Variants in KBTBD12 observed in about 807,000 individuals in gnomAD.
KBTBD12 encodes the protein kelch repeat and BTB domain-containing protein 12.
KBTBD12 carries 53 observed loss-of-function variants against 58.7 expected under a neutral mutation model. The ratio of observed to expected loss-of-function variants is 0.90; its 90% CI spans 0.72 to 1.14. The LOEUF is 1.14. KBTBD12 is among the 50% of genes most tolerant of loss of function. The pLI is 0.00. For missense variants in KBTBD12, 704 were observed against 751.3 expected, an observed-to-expected ratio of 0.94 and a Z score of 0.74; for synonymous variants, 236 against 259.8, an observed-to-expected ratio of 0.91 and a Z score of 0.88.
At chr3:127,934,932 C>A (rs550781658) in intron 4 of KBTBD12, among the ~76,000 whole-genome samples, 3 of 152,210 alleles carry the variant, frequency 2.0e-5, no homozygotes, top group African/African-American at 7.2e-5. Flanking sequence ...TCAGACAGAA[C>A]GGAGGTGATG....
chr3:127,958,692 A>C (rs1940368921), intron 4 of KBTBD12, among the ~76,000 whole-genome samples: 1 of 152,160 alleles, frequency 6.6e-6, no homozygotes, highest in Non-Finnish European at 1.5e-5. Context: ...ATGAAGCAAA[A>C]TCAAGCTGTA....
At chr3:127,941,687 A>G (rs752043417) in intron 4 of KBTBD12, among the ~76,000 whole-genome samples, 4 of 152,106 alleles carry the variant, frequency 2.6e-5, no homozygotes, top group Non-Finnish European at 4.4e-5. Flanking sequence ...CCCAGACGGA[A>G]TCTTTCGGGT....
intron 3 of KBTBD12, among the ~76,000 whole-genome samples, chr3:127,929,739 T>C (rs966509261): frequency 2.0e-5 from 3 of 152,128 alleles, no homozygotes; most frequent in Non-Finnish European, 4.4e-5. Context: ...ATTATTAAAA[T>C]TAGTTTCTCA....
chr3:127,956,649 G>A (rs1044209485), intron 4 of KBTBD12, among the ~76,000 whole-genome samples: 1 of 152,180 alleles, frequency 6.6e-6, no homozygotes, highest in Non-Finnish European at 1.5e-5. Flanking sequence ...ATGTTACTGC[G>A]CGTGGATGAG....
intron 5 of KBTBD12, among the ~76,000 whole-genome samples, chr3:127,982,449 G>A (rs1940889525): frequency 6.6e-6 from 1 of 151,964 alleles, no homozygotes; most frequent in African/African-American, 2.4e-5. Flanking sequence ...GGCAACTAGA[G>A]ACCACTCCTG....
chr3:127,981,098 TC>T (rs1940865139), intron 5 of KBTBD12, among the ~76,000 whole-genome samples: 1 of 152,218 alleles, frequency 6.6e-6, no homozygotes, highest in African/African-American at 2.4e-5. Flanking sequence ...TACATTAATA[TC>T]CATCTCTAAC....
intron 2 of KBTBD12, among the ~76,000 whole-genome samples, chr3:127,924,998 T>A (rs952941659): frequency 2.0e-5 from 3 of 152,244 alleles, no homozygotes; most frequent in African/African-American, 7.2e-5. Context: ...AGTTCTCTTT[T>A]ACCATGGTTT....
At chr3:127,981,238 C>T (rs1384206374) in intron 5 of KBTBD12, among the ~76,000 whole-genome samples, 1 of 152,224 alleles carries the variant, frequency 6.6e-6, no homozygotes, top group East Asian at 1.9e-4. Context: ...TGTGCTTCTT[C>T]AGAGCCTGGT....
At chr3:127,970,717 T>C (rs1020838568) in intron 5 of KBTBD12, among the ~76,000 whole-genome samples, 1 of 152,176 alleles carries the variant, frequency 6.6e-6, no homozygotes, top group African/African-American at 2.4e-5. Context: ...TCCATTTATA[T>C]GAAATGTCCA....
intron 4 of KBTBD12, among the ~76,000 whole-genome samples, chr3:127,945,550 T>C (rs1940061665): frequency 6.6e-6 from 1 of 151,986 alleles, no homozygotes; most frequent in Non-Finnish European, 1.5e-5. Context: ...TGGCTAGTGA[T>C]GATGAGCATC....
In KBTBD12 at chr3:127,984,176, C is replaced by G. The variant is rs1940924920; in HGVS notation, c.1770C>G (p.Val590=). ...AGTGGAATGTTGTAGCCATCAACGTCCTCATGCATGACAGCTATGATGTCT... is the reference window on the plus strand; with the variant it reads ...AGTGGAATGTTGTAGCCATCAACGTGCTCATGCATGACAGCTATGATGTCT... The part of the protein sequence containing the change: ...ENQWNVVAIN[V]LMHDSYDVCL... Residue 590 remains valine, a synonymous_variant, in exon 6 of 6, where the codon GTC becomes GTG. Transcript: ENST00000405109. The G allele has an allele frequency of 6.2e-7, 1 of 1,613,684 alleles. No homozygotes were observed. Among genetic ancestry groups the G allele is most frequent in the Admixed American group, 1.7e-5 (1 of 59,998 alleles).
At chr3:127,930,799 T>C (rs1269177224) in intron 4 of KBTBD12, among the ~76,000 whole-genome samples, 1 of 152,194 alleles carries the variant, frequency 6.6e-6, no homozygotes, top group African/African-American at 2.4e-5. Flanking sequence ...CTTATATGTA[T>C]GGTCTTGTAC....
chr3:127,931,547 G>T (rs1939701123), intron 4 of KBTBD12, among the ~76,000 whole-genome samples: 1 of 152,084 alleles, frequency 6.6e-6, no homozygotes, highest in Non-Finnish European at 1.5e-5. Context: ...CCAAAAGTGG[G>T]ATAAAAGTGA....
In KBTBD12 at chr3:127,923,967, T is replaced by A. The variant is rs1307808298; in HGVS notation, c.906T>A (p.Asp302Glu). The change falls in exon 2 of 6, where the codon GAT becomes GAA. Residue 302 changes from aspartate (D) to glutamate (E), a missense_variant. Asp to Glu is a conservative substitution (Grantham distance 45, BLOSUM62 2). Transcript: ENST00000405109. ...ATGGGGATGCCAGTTTTTGTTATGA[T>A]CCTGTATCACGGAAAACCTATTTCA... ...RSYGDASFCY[D>E]PVSRKTYFIS... The A allele has an allele frequency of 6.2e-7, 1 of 1,613,902 alleles. No individual in the cohort carries two copies. The highest frequency in any genetic ancestry group is 1.1e-5 in the South Asian group (1 of 91,078).
chr3:127,965,809 A>G (rs1940552681), intron 5 of KBTBD12, among the ~76,000 whole-genome samples: 1 of 152,248 alleles, frequency 6.6e-6, no homozygotes, highest in Non-Finnish European at 1.5e-5. Context: ...GAGAAGAGAC[A>G]GGAAAATAGC....
intron 5 of KBTBD12, among the ~76,000 whole-genome samples, chr3:127,975,503 G>A (rs1031685334): frequency 4.6e-5 from 7 of 152,210 alleles, no homozygotes; most frequent in East Asian, 1.9e-4. Flanking sequence ...CAGGAGCACC[G>A]CGTGGGTCAG....
chr3:127,920,340 T>G (rs371289753), intron 1 of KBTBD12, among the ~76,000 whole-genome samples: 1 of 152,066 alleles, frequency 6.6e-6, no homozygotes, highest in South Asian at 2.1e-4. Flanking sequence ...TTTTCACACA[T>G]TATTATGTTT....
rs182565322 is a variant in KBTBD12, at chr3:127,958,564, T to C, written c.1493-4625T>C. ...TCACTCAGGATCAGATGGGACAGCA[T>C]TGTGTAATTGCAGCTTATTTGGCAC... is the stretch of plus-strand genomic sequence containing the variant. On this transcript the variant is annotated intron_variant, in intron 4 of 5. Coordinates refer to ENST00000405109, the MANE Select transcript of KBTBD12 (RefSeq NM_207335.4). Among the ~76,000 whole-genome samples, 74 of 152,254 alleles carry C rather than the reference T, an allele frequency of 4.9e-4. 1 individual carries two copies. The highest frequency in any genetic ancestry group is 1.7e-3 in the African/African-American group (72 of 41,536).
intron 5 of KBTBD12, among the ~76,000 whole-genome samples, chr3:127,965,623 A>G (rs1940548219): frequency 1.3e-5 from 2 of 152,244 alleles, no homozygotes; most frequent in African/African-American, 4.8e-5. Flanking sequence ...ATTGAAATAT[A>G]TTGTGAACAG....
Sources: allele counts gnomAD v4.1 joint callset (sites outside exome capture counted in the v4.1 genomes callset), GRCh38; gene constraint gnomAD v4.1.1; transcripts MANE v1.5; gene names NCBI Gene and HGNC (gene_info 2026-07-23, HGNC 2026-07-21).